The following CNTN6 variants were observed in gnomAD, a reference collection of about 807,000 sequenced individuals.
The protein encoded by CNTN6 is contactin-6.
Under a neutral mutation model 122.8 loss-of-function variants are expected in CNTN6, and 137 were observed. The ratio of observed to expected loss-of-function variants is 1.12; its 90% CI spans 0.97 to 1.29. The LOEUF is 1.29. Ranked by LOEUF, CNTN6 falls within the 50% of genes most tolerant of loss-of-function variation. CNTN6 has a pLI of 0.00. For missense variants in CNTN6, 1,634 were observed against 1,223.4 expected (o/e 1.34, Z -5.01); for synonymous variants, 570 against 426.0 (o/e 1.34, Z -4.16).
intron 2 of CNTN6, among the ~76,000 whole-genome samples, chr3:1,152,782 T>A (rs553267128): frequency 6.6e-6 from 1 of 152,242 alleles, no homozygotes; most frequent in Non-Finnish European, 1.5e-5. Flanking sequence ...GTGCTATATC[T>A]GTTCTTATGA....
chr3:1,140,915 A>G (rs1417692915), intron 1 of CNTN6, among the ~76,000 whole-genome samples: 4 of 152,188 alleles, frequency 2.6e-5, no homozygotes, highest in African/African-American at 4.8e-5. Flanking sequence ...TGGCATAACA[A>G]TTATCATAAG....
chr3:1,253,139 A>G (rs1575432154), intron 4 of CNTN6, among the ~76,000 whole-genome samples: 1 of 152,208 alleles, frequency 6.6e-6, no homozygotes, highest in Non-Finnish European at 1.5e-5. Flanking sequence ...TTATTATTCC[A>G]GACTCCTGTC....
chr3:1,109,441 A>G (rs1167256042), intron 1 of CNTN6, among the ~76,000 whole-genome samples: 1 of 152,096 alleles, frequency 6.6e-6, no homozygotes, highest in Non-Finnish European at 1.5e-5. Context: ...TAAAATGTCA[A>G]AATAATATAA....
At chr3:1,148,427 G>A (rs9823028) in intron 2 of CNTN6, among the ~76,000 whole-genome samples, 63,995 of 150,746 alleles carry the variant, frequency 0.42, 13,829 homozygotes, top group South Asian at 0.61. Flanking sequence ...TTTCATTATA[G>A]TGAAGTCTTT....
chr3:1,338,765 A>T (rs1703461396), intron 11 of CNTN6, among the ~76,000 whole-genome samples: 1 of 152,188 alleles, frequency 6.6e-6, no homozygotes, highest in Non-Finnish European at 1.5e-5. Flanking sequence ...CATGTAATTT[A>T]TACAAATGAC....
Position 1,372,943 on chromosome 3 carries a change from A to T in CNTN6, c.1774A>T (p.Ile592Phe). Residue 592 changes from isoleucine (I) to phenylalanine (F), a missense_variant, in exon 14 of 23, where the codon ATC becomes TTC. Transcript: ENST00000446702. Reference protein sequence around the residue: ...TLESLSAVADIIVRGPPGPPE... With the variant: ...TLESLSAVADFIVRGPPGPPE... ...AGAAAGTTTATCTGCAGTAGCCGAT[A>T]TCATTGTTAGAGGTAAGCATAAATG... 2 of 1,573,154 alleles carry T rather than the reference A, an allele frequency of 1.3e-6. No individual in the cohort carries two copies. Among genetic ancestry groups the T allele is most frequent in the Non-Finnish European group, 1.7e-6 (2 of 1,146,950 alleles).
intron 7 of CNTN6, among the ~76,000 whole-genome samples, chr3:1,309,294 T>C (rs957224083): frequency 2.0e-5 from 3 of 152,200 alleles, no homozygotes; most frequent in African/African-American, 4.8e-5. Flanking sequence ...ATGGTCCATT[T>C]TGCATTAATT....
At chr3:1,233,813 T>G (rs1334995291) in intron 4 of CNTN6, among the ~76,000 whole-genome samples, 3 of 150,554 alleles carry the variant, frequency 2.0e-5, no homozygotes, top group Non-Finnish European at 4.4e-5. Flanking sequence ...GACATATTAA[T>G]GATATTATTA....
chr3:1,109,357 T>G (rs1413243575), intron 1 of CNTN6, among the ~76,000 whole-genome samples: 1 of 152,090 alleles, frequency 6.6e-6, no homozygotes, highest in Non-Finnish European at 1.5e-5. Flanking sequence ...AAAGTAATAT[T>G]TAGAATATAG....
At chr3:1,214,069 C>T (rs1298942891) in intron 2 of CNTN6, among the ~76,000 whole-genome samples, 1 of 151,786 alleles carries the variant, frequency 6.6e-6, no homozygotes, top group African/African-American at 2.4e-5. Context: ...ATATTCTGTT[C>T]TATAACTAAA....
Position 1,220,759 on chromosome 3 carries a change from A to T in CNTN6, c.128A>T (p.Lys43Ile), listed in dbSNP as rs2094196693. ...HDVIFPLDLSKSEVILNCAAN... is the reference protein window; with the variant it reads ...HDVIFPLDLSISEVILNCAAN... ...GTCATTTTTCCTTTGGATTTATCAA[A>T]ATCTGAGGTCATCCTGAATTGTGCT... is the stretch of plus-strand genomic sequence containing the variant. Residue 43 changes from lysine (K) to isoleucine (I), a missense_variant, in exon 3 of 23, where the codon AAA (lysine) becomes ATA (isoleucine). Physicochemically the swap from Lys to Ile is moderately radical, Grantham distance 102 (BLOSUM62 -3). Transcript: ENST00000446702. The T allele has an allele frequency of 6.2e-7, 1 of 1,612,886 alleles. No individual in the cohort carries two copies. The highest frequency in any genetic ancestry group is 1.7e-5 in the Admixed American group (1 of 59,886).
At chr3:1,388,258 A>G (rs1464396282) in intron 20 of CNTN6, among the ~76,000 whole-genome samples, 1 of 148,676 alleles carries the variant, frequency 6.7e-6, no homozygotes, top group Non-Finnish European at 1.5e-5. Context: ...CTGACCCCTG[A>G]CCCCCGAGCA....
intron 1 of CNTN6, among the ~76,000 whole-genome samples, chr3:1,142,477 G>T (rs545768030): frequency 1.3e-5 from 2 of 152,076 alleles, no homozygotes; most frequent in African/African-American, 4.8e-5. Context: ...TGTTGAGTAC[G>T]TATACACTGA....
At chr3:1,207,234 C>A (rs13097143) in intron 2 of CNTN6, among the ~76,000 whole-genome samples, 52,240 of 151,728 alleles carry the variant, frequency 0.34, 9,504 homozygotes, top group African/African-American at 0.48. Context: ...AATGGAAAAC[C>A]TATCCCTCCA....
chr3:1,265,201 A>G (rs900536095), intron 4 of CNTN6, among the ~76,000 whole-genome samples: 2 of 151,946 alleles, frequency 1.3e-5, no homozygotes, highest in Non-Finnish European at 2.9e-5. Flanking sequence ...ACTGATTTCA[A>G]TTTCTTTGGA....
intron 4 of CNTN6, among the ~76,000 whole-genome samples, chr3:1,247,903 T>C (rs772778034): frequency 6.6e-6 from 1 of 152,180 alleles, no homozygotes; most frequent in Non-Finnish European, 1.5e-5. Context: ...CTATAGCCAA[T>C]GTCACTGGGC....
chr3:1,284,865 A>T (rs1234193156), intron 5 of CNTN6, among the ~76,000 whole-genome samples: 2 of 152,166 alleles, frequency 1.3e-5, no homozygotes, highest in East Asian at 3.8e-4. Flanking sequence ...CACGTCTAGC[A>T]TGTTGGGAGA....
In CNTN6 at chr3:1,321,453, C is replaced by T. The variant is rs569431229; in HGVS notation, c.762-197C>T. On this transcript the variant is annotated intron_variant, in intron 7 of 22. Transcript: ENST00000446702. ...TGAACATAGCACAGTGACTTGCATA[C>T]GGCAGGCACTTAATAAAGTGTTAAA... Among the ~76,000 whole-genome samples the T allele has an allele frequency of 1.4e-3, 208 of 151,828 alleles. 1 individual carries two copies. The highest frequency in any genetic ancestry group is 4.3e-3 in the African/African-American group (180 of 41,456).
At chr3:1,294,828 A>G (rs17037277) in intron 5 of CNTN6, among the ~76,000 whole-genome samples, 11,745 of 152,184 alleles carry the variant, frequency 0.077, 1,529 homozygotes, top group African/African-American at 0.27. Flanking sequence ...TTGTCAAAGC[A>G]TATGTTATCC....
Sources: gnomAD v4.1 joint callset for allele counts (sites outside exome capture counted in the v4.1 genomes callset) on GRCh38, gnomAD v4.1.1 for gene constraint, MANE v1.5 for transcripts, NCBI Gene and HGNC (gene_info 2026-07-23, HGNC 2026-07-21) for gene names.